ROBO1: variants seen among roughly 807,000 people sequenced by gnomAD.
ROBO1 encodes roundabout guidance receptor 1, also known as roundabout homolog 1.
ROBO1 carries 149 observed loss-of-function variants against 195.9 expected under a neutral mutation model. The observed-to-expected ratio is 0.76, with a 90% CI of 0.67 to 0.87. ROBO1 has a LOEUF of 0.87. Among genes scored for constraint, ROBO1 ranks in the 40% least tolerant of loss-of-function variants. ROBO1 has a pLI of 0.00. For synonymous variants in ROBO1, 816 were observed against 733.2 expected, an observed-to-expected ratio of 1.11 and a Z score of -1.82; for missense variants, 1,933 against 2,068.3, an observed-to-expected ratio of 0.93 and a Z score of 1.27.
chr3:79,317,435 C>G (rs1485492506), intron 2 of ROBO1, among the ~76,000 whole-genome samples: 1 of 151,946 alleles, frequency 6.6e-6, no homozygotes, highest in Non-Finnish European at 1.5e-5. Flanking sequence ...TTAAATTTTG[C>G]TTAACATTAC....
chr3:79,470,401 G>C lies in ROBO1; in HGVS notation c.88+119423C>G, dbSNP rs751841868. 1.1e-3 allele frequency among the ~76,000 whole-genome samples: 164 copies of C among 152,220 alleles called. 2 individuals carry two copies. Among genetic ancestry groups the C allele is most frequent in the Non-Finnish European group, 1.8e-3 (125 of 68,032 alleles). On this transcript the variant is annotated intron_variant, in intron 2 of 30. Coordinates refer to ENST00000464233, the MANE Select transcript of ROBO1 (RefSeq NM_002941.4). ...CAGGAAAGGGAACATCACATACTGG[G>C]GCCTGTCGTGGGGCATGGGGAGGGA...
At chr3:78,674,933 T>C (rs1021589715) in intron 10 of ROBO1, among the ~76,000 whole-genome samples, 1 of 152,170 alleles carries the variant, frequency 6.6e-6, no homozygotes, top group African/African-American at 2.4e-5. Flanking sequence ...GTAGTCATTA[T>C]TGAATTCACT....
chr3:79,658,787 G>A (rs1276234231), intron 1 of ROBO1, among the ~76,000 whole-genome samples: 1 of 146,436 alleles, frequency 6.8e-6, no homozygotes, highest in African/African-American at 2.5e-5. Context: ...TTTTTTTTCT[G>A]AGATGGAGTC....
At chr3:79,502,808 G>C (rs2107508044) in intron 2 of ROBO1, among the ~76,000 whole-genome samples, 1 of 152,026 alleles carries the variant, frequency 6.6e-6, no homozygotes, top group South Asian at 2.1e-4. Flanking sequence ...TCTAGCTCAG[G>C]GTTCGTAAAT....
intron 2 of ROBO1, among the ~76,000 whole-genome samples, chr3:79,280,901 G>A (rs910060977): frequency 1.3e-5 from 2 of 152,180 alleles, no homozygotes; most frequent in African/African-American, 4.8e-5. Context: ...GGTAATGCTG[G>A]CTGGCCACTC....
intron 2 of ROBO1, among the ~76,000 whole-genome samples, chr3:79,495,983 C>A (rs1575915150): frequency 6.6e-6 from 1 of 151,876 alleles, no homozygotes; most frequent in Non-Finnish European, 1.5e-5. Context: ...GAGGCCAAGG[C>A]GGGTGGATCA....
At chr3:79,287,390 C>T (rs1324038435) in intron 2 of ROBO1, among the ~76,000 whole-genome samples, 1 of 152,080 alleles carries the variant, frequency 6.6e-6, no homozygotes, top group Non-Finnish European at 1.5e-5. Context: ...CTAGTCATTT[C>T]CAGACATATG....
At chr3:78,677,153 TA>T (rs1363535632) in intron 10 of ROBO1, among the ~76,000 whole-genome samples, 2 of 152,110 alleles carry the variant, frequency 1.3e-5, no homozygotes, top group Non-Finnish European at 2.9e-5. Context: ...AGGCCTGCCC[TA>T]AAAGAGCTCC....
At chr3:79,135,404 C>G (rs2080385856) in intron 2 of ROBO1, among the ~76,000 whole-genome samples, 1 of 151,938 alleles carries the variant, frequency 6.6e-6, no homozygotes, top group Admixed American at 6.6e-5. Context: ...ATACAGTATA[C>G]AATATCAGCT....
intron 2 of ROBO1, among the ~76,000 whole-genome samples, chr3:79,175,446 C>T (rs964610183): frequency 4.6e-5 from 7 of 152,150 alleles, no homozygotes; most frequent in African/African-American, 1.4e-4. Context: ...CTGCCTGGCC[C>T]CACCCTGCAT....
chr3:79,425,549 T>C (rs2038411315), intron 2 of ROBO1, among the ~76,000 whole-genome samples: 1 of 152,110 alleles, frequency 6.6e-6, no homozygotes, highest in South Asian at 2.1e-4. Flanking sequence ...TCCAGATTTC[T>C]TTGGCTAGCA....
chr3:79,133,408 T>C (rs2080330153), intron 2 of ROBO1, among the ~76,000 whole-genome samples: 1 of 129,908 alleles, frequency 7.7e-6, no homozygotes, highest in Admixed American at 8.2e-5. Flanking sequence ...TCTCTAAACT[T>C]CTCTTCTCGC....
chr3:79,000,924 T>C (rs548769207), intron 3 of ROBO1, among the ~76,000 whole-genome samples: 1 of 152,264 alleles, frequency 6.6e-6, no homozygotes, highest in South Asian at 2.1e-4. Flanking sequence ...GTATACACCA[T>C]GGAATACTAT....
chr3:79,746,841 A>C (rs547561790), intron 1 of ROBO1, among the ~76,000 whole-genome samples: 2 of 152,100 alleles, frequency 1.3e-5, no homozygotes, highest in African/African-American at 4.8e-5. Context: ...TTACATTTGC[A>C]TAAGACTTGG....
intron 1 of ROBO1, among the ~76,000 whole-genome samples, chr3:79,649,398 T>C (rs1367775113): frequency 1.3e-5 from 2 of 152,034 alleles, no homozygotes; most frequent in Non-Finnish European, 2.9e-5. Flanking sequence ...AAAATAAACC[T>C]GAAGCGATAA....
intron 2 of ROBO1, among the ~76,000 whole-genome samples, chr3:79,574,280 C>G (rs1943375192): frequency 6.6e-6 from 1 of 151,954 alleles, no homozygotes. Flanking sequence ...AATCTTTCAA[C>G]TGGATCACGC....
At chr3:79,188,225 A>C (rs1232574160) in intron 2 of ROBO1, among the ~76,000 whole-genome samples, 2 of 151,920 alleles carry the variant, frequency 1.3e-5, no homozygotes, top group Non-Finnish European at 2.9e-5. Context: ...TATTTGTAAT[A>C]CTTTTACATG....
chr3:79,508,169 G>C (rs1424374212), intron 2 of ROBO1, among the ~76,000 whole-genome samples: 2 of 151,910 alleles, frequency 1.3e-5, no homozygotes, highest in Non-Finnish European at 2.9e-5. Context: ...CGAGTTGATG[G>C]GTACAGCAAA....
intron 2 of ROBO1, among the ~76,000 whole-genome samples, chr3:79,372,218 C>CT (rs1559852966): frequency 1.9e-5 from 2 of 103,376 alleles, no homozygotes; most frequent in African/African-American, 8.5e-5. Flanking sequence ...TTTTTTTTTT[C>CT]TTTTTTTGAG....
Sources: gnomAD v4.1 joint callset for allele counts (sites outside exome capture counted in the v4.1 genomes callset) on GRCh38, gnomAD v4.1.1 for gene constraint, MANE v1.5 for transcripts, NCBI Gene and HGNC (gene_info 2026-07-23, HGNC 2026-07-21) for gene names.